The following CNGB3 variants were observed in gnomAD, a reference collection of about 807,000 sequenced individuals.
CNGB3 encodes the protein cyclic nucleotide gated channel subunit beta 3.
A neutral mutation model predicts 92.8 loss-of-function variants in CNGB3; 86 were observed. The observed-to-expected ratio is 0.93, with a 90% CI of 0.78 to 1.11. The LOEUF is 1.11. CNGB3 is among the 50% of genes least tolerant of loss of function. The probability of loss-of-function intolerance (pLI) is 0.00; values close to 1 mark genes in which losing one functional copy is unlikely to be tolerated. For missense variants in CNGB3, 1,026 were observed against 956.8 expected (o/e 1.07, Z -0.95); for synonymous variants, 333 against 332.7 (o/e 1.00, Z -0.01).
Position 86,628,957 on chromosome 8 carries a change from G to T in CNGB3, c.1442C>A (p.Thr481Asn). 2 of 1,613,902 alleles carry T rather than the reference G, an allele frequency of 1.2e-6. No homozygotes were observed. Among genetic ancestry groups the T allele is most frequent in the Non-Finnish European group, 1.7e-6 (2 of 1,179,904 alleles). Residue 481 changes from threonine (T) to asparagine (N), a missense_variant, in exon 12 of 18, where the codon ACT becomes AAT. Physicochemically the swap from Thr to Asn is moderately conservative, Grantham distance 65. Transcript: ENST00000320005. The stretch of plus-strand genomic sequence containing the variant: ...AGAGTCCCATGTATATTCATACCAA[G>T]TCCGAACTCGCTTTTGCACAAGTTT... ...IPKLVQKRVR[T>N]WYEYTWDSQR... is the part of the protein sequence containing the mutation.
intron 8 of CNGB3, 86 bp from the exon 9 acceptor site, chr8:86,644,772 A>G: frequency 6.5e-6 from 6 of 924,142 alleles, no homozygotes; most frequent in Non-Finnish European, 8.6e-6. Flanking sequence ...AGATTTTATT[A>G]CTGAAAATAA....
chr8:86,634,376 G>C (rs569258088), intron 10 of CNGB3, among the ~76,000 whole-genome samples: 1 of 152,290 alleles, frequency 6.6e-6, no homozygotes, highest in Non-Finnish European at 1.5e-5. Context: ...GCTAAGCTAT[G>C]ATGTTTGGTA....
At chr8:86,601,074 G>A (rs995589452) in intron 15 of CNGB3, among the ~76,000 whole-genome samples, 15 of 152,184 alleles carry the variant, frequency 9.9e-5, no homozygotes, top group Middle Eastern at 3.4e-3. Flanking sequence ...TGTTTTAGGG[G>A]TTAAAGATGG....
chr8:86,736,634 A>G (rs563839152), intron 2 of CNGB3, among the ~76,000 whole-genome samples: 73 of 152,276 alleles, frequency 4.8e-4, no homozygotes, highest in Non-Finnish European at 8.7e-4. Context: ...CTTCCTCGGT[A>G]CTTCCATTTG....
chr8:86,624,008 A>T (rs1822793962), intron 13 of CNGB3, among the ~76,000 whole-genome samples: 1 of 152,114 alleles, frequency 6.6e-6, no homozygotes, highest in African/African-American at 2.4e-5. Context: ...TGCCTTCTAC[A>T]TTTACTTCCT....
chr8:86,714,082 A>G (rs901581797), intron 3 of CNGB3, among the ~76,000 whole-genome samples: 2 of 152,196 alleles, frequency 1.3e-5, no homozygotes, highest in African/African-American at 2.4e-5. Flanking sequence ...ACATTCTATG[A>G]GTTAGGACAA....
At position 86,628,234 on chromosome 8, in the gene CNGB3, C is replaced by A. The variant is rs374768673; in HGVS notation, c.1480+685G>T. Among the ~76,000 whole-genome samples the A allele has an allele frequency of 7.5e-4, 114 of 152,190 alleles. 1 individual carries two copies. The South Asian group carries it at 0.012, about 15-fold the overall frequency. On this transcript the variant is annotated intron_variant, in intron 12 of 17. Transcript: ENST00000320005. ...TAGGCTGGAGTGTAGTGGTGCATCA[C>A]CACATTCTGCTAATTTTTGTATTTC... is the stretch of plus-strand genomic sequence containing the variant.
intron 15 of CNGB3, among the ~76,000 whole-genome samples, chr8:86,600,603 C>CA (rs1444797104): frequency 6.9e-6 from 1 of 144,650 alleles, no homozygotes; most frequent in African/African-American, 2.5e-5. Context: ...ATTCTAGTTC[C>CA]TTTTTTTTTT....
chr8:86,649,088 A>C (rs1823348157), intron 7 of CNGB3, among the ~76,000 whole-genome samples: 1 of 151,584 alleles, frequency 6.6e-6, no homozygotes, highest in African/African-American at 2.4e-5. Flanking sequence ...AACAATAACA[A>C]ATCCCTAGGA....
rs564468566 is a variant in CNGB3, at chr8:86,659,192, C to T, written c.853-5130G>A. The T allele has an allele frequency of 2.5e-4, 180 of 714,124 alleles. 4 individuals carry two copies. Among genetic ancestry groups the T allele is most frequent in the South Asian group, 2.4e-3 (153 of 64,672 alleles). 44.2% of individuals were successfully genotyped at this position (714,124 alleles called of 1,614,324 possible). Reference sequence around the variant, plus strand: ...TCAATGTGTGCACCTGCTCTGACATCGGCTGCATCCTCTGCTACCGCATGG... The same window carrying T: ...TCAATGTGTGCACCTGCTCTGACATTGGCTGCATCCTCTGCTACCGCATGG... On this transcript the variant is annotated intron_variant, in intron 6 of 17. Transcript: ENST00000320005.
At chr8:86,686,259 A>G (rs973212462) in intron 3 of CNGB3, among the ~76,000 whole-genome samples, 1 of 152,128 alleles carries the variant, frequency 6.6e-6, no homozygotes, top group African/African-American at 2.4e-5. Flanking sequence ...TCTGAAGGGC[A>G]TAACAGCACA....
intron 15 of CNGB3, among the ~76,000 whole-genome samples, chr8:86,599,580 A>G (rs1185993712): frequency 6.6e-6 from 1 of 152,126 alleles, no homozygotes; most frequent in East Asian, 1.9e-4. Context: ...CCTGAGAAAG[A>G]GAATGTGTCC....
At chr8:86,659,815 G>A (rs1823597396) in intron 6 of CNGB3, 3 of 391,432 alleles carry the variant, frequency 7.7e-6, no homozygotes, top group Non-Finnish European at 1.5e-5. Context: ...TCTTCTTCCA[G>A]TTGATCCAGA....
chr8:86,608,383 T>A (rs1358522621), intron 14 of CNGB3, among the ~76,000 whole-genome samples: 1 of 152,224 alleles, frequency 6.6e-6, no homozygotes, highest in Non-Finnish European at 1.5e-5. Flanking sequence ...AAGACGCCCG[T>A]TGCCAGGTGG....
chr8:86,652,249 T>A (rs1478907030), intron 7 of CNGB3, among the ~76,000 whole-genome samples: 1 of 152,020 alleles, frequency 6.6e-6, no homozygotes, highest in East Asian at 1.9e-4. Flanking sequence ...ATAGGATACT[T>A]ACCATGAATG....
chr8:86,639,171 G>GAA (rs3077210), intron 10 of CNGB3, among the ~76,000 whole-genome samples: 136,473 of 151,908 alleles, frequency 0.9, 61,576 homozygotes, highest in East Asian at 1. Context: ...TTTTTTCAAA[G>GAA]AAGATACATT....
intron 3 of CNGB3, among the ~76,000 whole-genome samples, chr8:86,682,494 C>T (rs943831672): frequency 6.6e-6 from 1 of 152,094 alleles, no homozygotes; most frequent in African/African-American, 2.4e-5. Context: ...TACTTCAACT[C>T]CCCAAAACAA....
At chr8:86,632,268 GTA>G (rs749897627) in intron 11 of CNGB3, among the ~76,000 whole-genome samples, 3 of 147,680 alleles carry the variant, frequency 2.0e-5, no homozygotes, top group Non-Finnish European at 3.0e-5. Flanking sequence ...AATAATTTAT[GTA>G]TTTAATTTCT....
intron 5 of CNGB3, among the ~76,000 whole-genome samples, 165 bp from the exon 6 acceptor site, chr8:86,667,298 C>G (rs1449182134): frequency 6.6e-6 from 1 of 152,150 alleles, no homozygotes; most frequent in Non-Finnish European, 1.5e-5. Flanking sequence ...TGTGAGGCTC[C>G]GGGCTTTACA....
Sources: gnomAD v4.1 joint callset for allele counts (sites outside exome capture counted in the v4.1 genomes callset) on GRCh38, gnomAD v4.1.1 for gene constraint, MANE v1.5 for transcripts, NCBI Gene and HGNC (gene_info 2026-07-23, HGNC 2026-07-21) for gene names.